The following PRKG2 variants were observed in gnomAD, a reference collection of about 807,000 sequenced individuals.
PRKG2 encodes the protein protein kinase cGMP-dependent 2, also known as cGMP-dependent protein kinase 2.
Under a neutral mutation model 97.2 loss-of-function variants are expected in PRKG2, and 33 were observed. The ratio of observed to expected loss-of-function variants is 0.34; its 90% CI spans 0.26 to 0.45. The LOEUF (loss-of-function observed/expected upper bound fraction) is 0.45. Among genes scored for constraint, PRKG2 ranks in the 20% least tolerant of loss-of-function variants. The pLI is 1.00. For synonymous variants in PRKG2, 330 were observed against 321.8 expected, an observed-to-expected ratio of 1.03 and a Z score of -0.27; for missense variants, 638 against 900.0, an observed-to-expected ratio of 0.71 and a Z score of 3.73.
At chr4:81,139,435 T>C (rs139098646) in intron 12 of PRKG2, among the ~76,000 whole-genome samples, 84 of 152,020 alleles carry the variant, frequency 5.5e-4, no homozygotes, top group South Asian at 1.0e-3. Flanking sequence ...CAAACACACA[T>C]ATATATATAC....
chr4:81,156,871 T>C (rs150510138), intron 6 of PRKG2, among the ~76,000 whole-genome samples: 7,802 of 152,244 alleles, frequency 0.051, 702 homozygotes, highest in African/African-American at 0.18. Context: ...AAGATGTTCT[T>C]TGAAACCAAC....
At chr4:81,156,673 C>T (rs574116894) in intron 6 of PRKG2, among the ~76,000 whole-genome samples, 3 of 152,176 alleles carry the variant, frequency 2.0e-5, no homozygotes, top group African/African-American at 7.2e-5. Context: ...TGACCACATA[C>T]TTGGAAGTAA....
At chr4:81,133,882 A>C (rs909840313) in intron 14 of PRKG2, among the ~76,000 whole-genome samples, 43 of 151,842 alleles carry the variant, frequency 2.8e-4, no homozygotes, top group African/African-American at 1.0e-3. Flanking sequence ...AAGAAAAATC[A>C]GTTATGAGAA....
At chr4:81,217,357 T>C (rs10007933), upstream of PRKG2, among the ~76,000 whole-genome samples, 14,655 of 152,130 alleles carry the variant, frequency 0.096, 2,377 homozygotes, top group African/African-American at 0.33. Flanking sequence ...GCTTGAAAGC[T>C]GTCGATGCAG....
intron 17 of PRKG2, among the ~76,000 whole-genome samples, chr4:81,103,751 G>C (rs1176200874): frequency 1.3e-5 from 2 of 152,100 alleles, no homozygotes; most frequent in Non-Finnish European, 2.9e-5. Flanking sequence ...TACATACTAG[G>C]ATCAGGCATG....
At chr4:81,114,593 A>C (rs1237127468) in intron 14 of PRKG2, among the ~76,000 whole-genome samples, 1 of 152,216 alleles carries the variant, frequency 6.6e-6, no homozygotes. Context: ...ATATGGTTTG[A>C]GTTGGTGATT....
In PRKG2 at chr4:81,204,899, T is replaced by C. The variant is rs1488090708; in HGVS notation, c.149A>G (p.His50Arg). The C allele has an allele frequency of 1.2e-6, 2 of 1,614,198 alleles. No individual in the cohort carries two copies. The highest frequency in any genetic ancestry group is 2.2e-5 in the South Asian group (2 of 91,086). The change falls in exon 2 of 19, where the codon CAT (histidine) becomes CGT (arginine). Residue 50 changes from histidine (H) to arginine (R), a missense_variant. Physicochemically the swap from His to Arg is conservative, Grantham distance 29. This residue lies in a region of PRKG2 where 332 missense variants were observed against 421.7 expected (regional missense o/e 0.79). Coordinates refer to ENST00000264399, the MANE Select transcript of PRKG2 (RefSeq NM_006259.3). ...CAGCTGCTCCCGCAGCTCCTTCAAATGGTACTCCCGCTCCTGGATCTCAGC... is the reference window on the plus strand; with the variant it reads ...CAGCTGCTCCCGCAGCTCCTTCAAACGGTACTCCCGCTCCTGGATCTCAGC... The part of the protein sequence containing the change: ...KDAEIQEREY[H>R]LKELREQLSK...
rs1040601759 is a variant in PRKG2, at chr4:81,154,744, T to C, written c.913-1023A>G. Among the ~76,000 whole-genome samples the C allele has an allele frequency of 2.0e-3, 299 of 152,284 alleles. 1 individual carries two copies. The highest frequency in any genetic ancestry group is 2.6e-3 in the Non-Finnish European group (178 of 68,038). Reference sequence around the variant, plus strand: ...CCTCCAAAGGAACGCAGTTCCTCACTAGCAACAGAACAAAGCTGGACGGAG... The same window carrying C: ...CCTCCAAAGGAACGCAGTTCCTCACCAGCAACAGAACAAAGCTGGACGGAG... On this transcript the variant is annotated intron_variant, in intron 6 of 18. Transcript: ENST00000264399.
At chr4:81,155,273 C>T (rs1021515628) in intron 6 of PRKG2, among the ~76,000 whole-genome samples, 23 of 150,940 alleles carry the variant, frequency 1.5e-4, no homozygotes, top group African/African-American at 4.4e-4. Flanking sequence ...TCGAGAACTA[C>T]GTGAAGAATG....
intron 14 of PRKG2, among the ~76,000 whole-genome samples, chr4:81,129,667 T>C (rs2110017497): frequency 6.6e-6 from 1 of 152,270 alleles, no homozygotes; most frequent in African/African-American, 2.4e-5. Context: ...CCTGAATTCT[T>C]TTGCTTTCCA....
intron 12 of PRKG2, among the ~76,000 whole-genome samples, chr4:81,139,368 C>T (rs555853408): frequency 1.8e-4 from 27 of 152,196 alleles, no homozygotes; most frequent in Admixed American, 1.4e-3. Flanking sequence ...AATAAAATAA[C>T]CAGTTCAAAC....
chr4:81,201,310 G>C (rs1753297528), intron 2 of PRKG2, among the ~76,000 whole-genome samples: 1 of 152,112 alleles, frequency 6.6e-6, no homozygotes, highest in Admixed American at 6.5e-5. Context: ...AGCCATATTT[G>C]GCTATTGGCT....
At chr4:81,176,708 G>T (rs550387331) in intron 2 of PRKG2, among the ~76,000 whole-genome samples, 6 of 152,156 alleles carry the variant, frequency 3.9e-5, no homozygotes, top group African/African-American at 1.4e-4. Context: ...ACACTTCAAA[G>T]AAGTCTTGCT....
intron 6 of PRKG2, among the ~76,000 whole-genome samples, chr4:81,163,958 G>C (rs141509195): frequency 5.9e-5 from 9 of 152,038 alleles, no homozygotes; most frequent in African/African-American, 2.2e-4. Context: ...ATTGTTTACA[G>C]TTAGTTATTT....
Position 81,179,294 on chromosome 4 carries a change from CT to C in PRKG2, c.462-4336del, listed in dbSNP as rs1751202924. Among the ~76,000 whole-genome samples the C allele has an allele frequency of 3.1e-5, 3 of 96,064 alleles. No individual in the cohort carries two copies. The African/African-American group carries it at 4.2e-4, about 14-fold the overall frequency. 63.0% of individuals were successfully genotyped at this position (96,064 alleles called of 152,430 possible). ...TGAAAAACCAAATACAATGAGAAAA[CT>C]CTAAAAAGCAGCTAGAAAAAAAAGG... On this transcript the variant is annotated intron_variant, in intron 2 of 18. Transcript: ENST00000264399.
chr4:81,171,176 C>T (rs1037034604), intron 4 of PRKG2, among the ~76,000 whole-genome samples: 2 of 151,774 alleles, frequency 1.3e-5, no homozygotes, highest in Admixed American at 1.3e-4. Flanking sequence ...CCACCCCTCC[C>T]CATTGGGCTC....
At chr4:81,217,737 G>T (rs1449441742), upstream of PRKG2, among the ~76,000 whole-genome samples, 1 of 152,156 alleles carries the variant, frequency 6.6e-6, no homozygotes, top group Admixed American at 6.5e-5. Context: ...AAAAATATGG[G>T]GTTATAATTT....
chr4:81,188,999 T>G (rs1233569727), intron 2 of PRKG2, among the ~76,000 whole-genome samples: 1 of 86,596 alleles, frequency 1.2e-5, no homozygotes, highest in Non-Finnish European at 1.8e-5. Flanking sequence ...AATGTGCACA[T>G]GTACCCTAAA....
At position 81,104,262 on chromosome 4, in the gene PRKG2, T is replaced by A. The variant is rs886833568; in HGVS notation, c.2126+108A>T. 19 of 634,704 alleles carry A rather than the reference T, an allele frequency of 3.0e-5. No individual in the cohort carries two copies. In the African/African-American group the frequency reaches 3.8e-4, roughly 13 times the overall value. The allele number at this position is 634,704 out of a possible 1,614,324, so 39.3% of individuals were successfully genotyped here. On this transcript the variant is annotated intron_variant, in intron 17 of 18. Coordinates refer to ENST00000264399, the MANE Select transcript of PRKG2 (RefSeq NM_006259.3). ...AAAGCAAAGCACTATAAAGAAAAAT[T>A]TGAAAGTCTGGAAAGGGACCTTTGT...
Sources: gnomAD v4.1 joint callset for allele counts (sites outside exome capture counted in the v4.1 genomes callset) on GRCh38, gnomAD v4.1.1 for gene constraint, gnomAD v4.1.1 regional missense constraint, MANE v1.5 for transcripts, NCBI Gene and HGNC (gene_info 2026-07-23, HGNC 2026-07-21) for gene names.